The following SLC2A13 variants were observed in gnomAD, a reference collection of about 807,000 sequenced individuals.
SLC2A13 encodes the protein solute carrier family 2 member 13, also known as proton myo-inositol cotransporter.
In SLC2A13, 32 loss-of-function variants were observed where a neutral mutation model predicts 64.4. The observed-to-expected ratio is 0.50, with a 90% CI of 0.37 to 0.67. The LOEUF is 0.67. SLC2A13 is among the 30% of genes least tolerant of loss of function. The pLI is 0.00. For synonymous variants in SLC2A13, 338 were observed against 327.1 expected (o/e 1.03, Z -0.36); for missense variants, 743 against 829.2 (o/e 0.90, Z 1.28).
intron 7 of SLC2A13, among the ~76,000 whole-genome samples, chr12:39,807,178 G>A (rs1261160224): frequency 6.6e-6 from 1 of 152,198 alleles, no homozygotes; most frequent in African/African-American, 2.4e-5. Context: ...CAACCTAGTG[G>A]TCATGAGGAG....
chr12:40,000,708 C>T (rs1189865720), intron 3 of SLC2A13, among the ~76,000 whole-genome samples: 3 of 152,152 alleles, frequency 2.0e-5, no homozygotes, highest in African/African-American at 4.8e-5. Flanking sequence ...ATCCCTGGTG[C>T]CTCTTCCTCT....
intron 1 of SLC2A13, among the ~76,000 whole-genome samples, chr12:40,054,476 AAACAT>A (rs72271671): frequency 0.098 from 14,989 of 152,230 alleles, 894 homozygotes; most frequent in East Asian, 0.2. Context: ...TTATTAGAGT[AAACAT>A]AACCACAAAA....
chr12:40,069,646 A>G (rs564898173), intron 1 of SLC2A13, among the ~76,000 whole-genome samples: 1 of 152,240 alleles, frequency 6.6e-6, no homozygotes, highest in African/African-American at 2.4e-5. Context: ...GTTGAAAAAA[A>G]AAAGGACAGA....
intron 1 of SLC2A13, among the ~76,000 whole-genome samples, chr12:40,061,654 C>T (rs913679650): frequency 6.6e-6 from 1 of 152,010 alleles, no homozygotes; most frequent in African/African-American, 2.4e-5. Flanking sequence ...GGGAATTGAA[C>T]GTCCACAGAA....
Position 39,764,454 on chromosome 12 carries a change from T to C in SLC2A13, c.1720+6A>G, listed in dbSNP as rs750984337. 1 of 1,560,424 alleles carries C rather than the reference T, an allele frequency of 6.4e-7. No individual in the cohort carries two copies. Among genetic ancestry groups the C allele is most frequent in the Non-Finnish European group, 8.6e-7 (1 of 1,160,546 alleles). On this transcript the variant is annotated splice_donor_region_variant and intron_variant, in intron 9 of 9. Coordinates refer to ENST00000280871, the MANE Select transcript of SLC2A13 (RefSeq NM_052885.4). ...CAAAACTATGTTAGAAAAAATATTATCTTACCATAGTATGTAAGATACTCT... is the reference window on the plus strand; with the variant it reads ...CAAAACTATGTTAGAAAAAATATTACCTTACCATAGTATGTAAGATACTCT...
chr12:39,903,926 T>C (rs989600891), intron 4 of SLC2A13, among the ~76,000 whole-genome samples: 5 of 152,084 alleles, frequency 3.3e-5, no homozygotes, highest in African/African-American at 7.2e-5. Context: ...TGGAGTCTCA[T>C]ATTTGGACTA....
intron 1 of SLC2A13, among the ~76,000 whole-genome samples, chr12:40,070,751 T>A (rs1304488599): frequency 6.6e-6 from 1 of 152,178 alleles, no homozygotes; most frequent in Non-Finnish European, 1.5e-5. Flanking sequence ...GTTGTGACCA[T>A]CCTAGTTACT....
At chr12:39,858,901 C>G (rs891439124) in intron 6 of SLC2A13, among the ~76,000 whole-genome samples, 1 of 152,042 alleles carries the variant, frequency 6.6e-6, no homozygotes, top group African/African-American at 2.4e-5. Context: ...GCACCGTGCC[C>G]GACCGTTTTT....
chr12:39,902,904 T>C (rs576446562), intron 4 of SLC2A13, among the ~76,000 whole-genome samples: 2 of 152,272 alleles, frequency 1.3e-5, no homozygotes, highest in South Asian at 4.1e-4. Context: ...TTATTCCTTA[T>C]TGAGTTGCAT....
intron 4 of SLC2A13, among the ~76,000 whole-genome samples, chr12:39,925,203 G>A (rs1945703172): frequency 6.6e-6 from 1 of 151,610 alleles, no homozygotes; most frequent in Non-Finnish European, 1.5e-5. Flanking sequence ...GGCTAATTTT[G>A]TACTTTTTTT....
chr12:39,888,794 A>G (rs545236962), intron 4 of SLC2A13, among the ~76,000 whole-genome samples: 2 of 152,280 alleles, frequency 1.3e-5, no homozygotes, highest in South Asian at 4.1e-4. Flanking sequence ...CCAAAATTTT[A>G]TAATATTATA....
At chr12:39,806,826 C>A (rs1413669886) in intron 7 of SLC2A13, among the ~76,000 whole-genome samples, 1 of 152,036 alleles carries the variant, frequency 6.6e-6, no homozygotes, top group African/African-American at 2.4e-5. Context: ...GGAAACAACC[C>A]ATGTCTTTAA....
chr12:39,947,206 C>A (rs7306920), intron 4 of SLC2A13, among the ~76,000 whole-genome samples: 28 of 152,104 alleles, frequency 1.8e-4, no homozygotes, highest in African/African-American at 6.3e-4. Flanking sequence ...GACCAAATGC[C>A]CCAGAGAAGA....
chr12:40,013,609 T>C (rs1278407482), intron 3 of SLC2A13, among the ~76,000 whole-genome samples: 1 of 152,220 alleles, frequency 6.6e-6, no homozygotes, highest in East Asian at 1.9e-4. Flanking sequence ...GCCCACTATA[T>C]GACACAAGAA....
chr12:40,031,836 C>G (rs1947910158), intron 2 of SLC2A13, among the ~76,000 whole-genome samples: 1 of 151,988 alleles, frequency 6.6e-6, no homozygotes, highest in Admixed American at 6.6e-5. Flanking sequence ...CAACATGAGA[C>G]AAAAAGAGAA....
chr12:39,969,405 C>T (rs557284503), intron 3 of SLC2A13, among the ~76,000 whole-genome samples: 4 of 152,300 alleles, frequency 2.6e-5, no homozygotes, highest in Admixed American at 6.5e-5. Flanking sequence ...AACTAGTTTA[C>T]GGTCCCACCA....
intron 4 of SLC2A13, among the ~76,000 whole-genome samples, chr12:39,906,367 G>A (rs912283213): frequency 6.6e-6 from 1 of 151,910 alleles, no homozygotes; most frequent in South Asian, 2.1e-4. Flanking sequence ...GCTGTTTATG[G>A]GGATTGCCTT....
intron 4 of SLC2A13, among the ~76,000 whole-genome samples, chr12:39,922,325 T>TG (rs768017243): frequency 5.5e-4 from 84 of 152,312 alleles, no homozygotes; most frequent in Non-Finnish European, 9.7e-4. Flanking sequence ...ACCCCCACCC[T>TG]GCACCTTGTC....
intron 7 of SLC2A13, among the ~76,000 whole-genome samples, chr12:39,785,737 C>T (rs1333950691): frequency 1.3e-5 from 2 of 152,052 alleles, no homozygotes; most frequent in African/African-American, 2.4e-5. Flanking sequence ...GCGGAGCTGC[C>T]CAAGACCATG....
Sources: allele counts gnomAD v4.1 joint callset (sites outside exome capture counted in the v4.1 genomes callset), GRCh38; gene constraint gnomAD v4.1.1; transcripts MANE v1.5; gene names NCBI Gene and HGNC (gene_info 2026-07-23, HGNC 2026-07-21).